REDIC1: variants seen among roughly 807,000 people sequenced by gnomAD.
REDIC1 encodes regulator of DNA class I crossover intermediates 1, also known as HEI10 Interacting Protein 1.
At chr12:39,665,333 G>C in the REDIC1 span, among the ~76,000 whole-genome samples, 100 of 152,102 alleles carry the variant, frequency 6.6e-4, 1 homozygote, top group African/African-American at 2.2e-3. Flanking sequence ...ATAGGGAATC[G>C]TTTCCCCATT....
At chr12:39,822,395 A>G in the REDIC1 span, among the ~76,000 whole-genome samples, 1 of 152,330 alleles carries the variant, frequency 6.6e-6, no homozygotes, top group African/African-American at 2.4e-5. Context: ...AAATGTATCT[A>G]TAAAAAACAA....
the REDIC1 span, among the ~76,000 whole-genome samples, chr12:39,702,071 G>A: frequency 1.3e-5 from 2 of 152,000 alleles, no homozygotes; most frequent in Non-Finnish European, 2.9e-5. Context: ...CTAGCGGAAG[G>A]CAAGAAATAA....
At chr12:39,815,824 C>T in the REDIC1 span, among the ~76,000 whole-genome samples, 1 of 152,076 alleles carries the variant, frequency 6.6e-6, no homozygotes, top group Non-Finnish European at 1.5e-5. Flanking sequence ...AGTTATAGCA[C>T]AGTACAACAT....
At chr12:39,752,609 T>C in the REDIC1 span, among the ~76,000 whole-genome samples, 1 of 152,114 alleles carries the variant, frequency 6.6e-6, no homozygotes, top group South Asian at 2.1e-4. Flanking sequence ...AAAGGCATGA[T>C]TGCATTACAC....
chr12:39,752,526 A>G, the REDIC1 span, among the ~76,000 whole-genome samples: 1 of 152,156 alleles, frequency 6.6e-6, no homozygotes, highest in South Asian at 2.1e-4. Context: ...GGCAAGGGAT[A>G]AGAAAAGTAA....
At chr12:39,860,450 T>C in the REDIC1 span, among the ~76,000 whole-genome samples, 3 of 152,208 alleles carry the variant, frequency 2.0e-5, no homozygotes, top group African/African-American at 4.8e-5. Context: ...CCCATGTCTA[T>C]GGACTTAATT....
At chr12:39,760,330 C>CTT in the REDIC1 span, 5 of 1,331,280 alleles carry the variant, frequency 3.8e-6, no homozygotes, top group South Asian at 2.8e-5. Context: ...TTGATTTTGA[C>CTT]TTTTTTTTTC....
At chr12:39,757,630 TAAC>T in the REDIC1 span, 1 of 151,914 alleles carries the variant, frequency 6.6e-6, no homozygotes, top group Non-Finnish European at 1.5e-5. Context: ...ACTATATAAA[TAAC>T]AAATAGTCCT....
chr12:39,689,330 A>G, the REDIC1 span, among the ~76,000 whole-genome samples: 7 of 152,188 alleles, frequency 4.6e-5, no homozygotes, highest in Non-Finnish European at 8.8e-5. Context: ...TGTGTTTGGC[A>G]TTATACATTT....
At chr12:39,646,450 T>C in the REDIC1 span, 12 of 1,557,530 alleles carry the variant, frequency 7.7e-6, 1 homozygote, top group South Asian at 1.4e-4. Flanking sequence ...GCCTTGATGA[T>C]ACAGAAACCA....
chr12:39,721,058 C>G, the REDIC1 span: 24 of 1,613,774 alleles, frequency 1.5e-5, no homozygotes, highest in Middle Eastern at 2.5e-3. Flanking sequence ...GTTCTGCAGG[C>G]TGCAAGGTGT....
the REDIC1 span, among the ~76,000 whole-genome samples, chr12:39,770,238 T>C: frequency 6.6e-6 from 1 of 152,122 alleles, no homozygotes; most frequent in Non-Finnish European, 1.5e-5. Context: ...TAGTTTATTC[T>C]GGCCTTGATC....
chr12:39,764,625 A>G, the REDIC1 span: 1 of 1,581,488 alleles, frequency 6.3e-7, no homozygotes, highest in Non-Finnish European at 8.6e-7. Context: ...GAGAAATAAA[A>G]CATTAAAAAC....
chr12:39,711,441 G>C, the REDIC1 span, among the ~76,000 whole-genome samples: 1 of 56,998 alleles, frequency 1.8e-5, no homozygotes, highest in Non-Finnish European at 4.8e-5. Context: ...ATGTATATGT[G>C]TGTACATATA....
chr12:39,702,497 C>T, the REDIC1 span, among the ~76,000 whole-genome samples: 1 of 152,042 alleles, frequency 6.6e-6, no homozygotes, highest in Admixed American at 6.5e-5. Context: ...CTGAATTCTA[C>T]CAGAGGTACA....
chr12:39,819,166 G>C, the REDIC1 span, among the ~76,000 whole-genome samples: 2 of 152,108 alleles, frequency 1.3e-5, no homozygotes, highest in Admixed American at 1.3e-4. Context: ...CACACTTGCA[G>C]TCTCATTTTT....
the REDIC1 span, among the ~76,000 whole-genome samples, chr12:39,842,458 G>A: frequency 6.6e-6 from 1 of 151,994 alleles, no homozygotes; most frequent in Admixed American, 6.6e-5. Context: ...AAACTGATCA[G>A]CATAGTGACT....
chr12:39,704,227 G>C, the REDIC1 span, among the ~76,000 whole-genome samples: 7 of 149,316 alleles, frequency 4.7e-5, no homozygotes, highest in East Asian at 2.0e-4. Flanking sequence ...AAATTTACAA[G>C]AAAAAAAAAC....
At chr12:39,810,853 A>G in the REDIC1 span, among the ~76,000 whole-genome samples, 1 of 152,120 alleles carries the variant, frequency 6.6e-6, no homozygotes, top group Non-Finnish European at 1.5e-5. Context: ...CTGTCTGTAT[A>G]CAAGGGAGAT....
Sources: allele counts gnomAD v4.1 joint callset (sites outside exome capture counted in the v4.1 genomes callset), GRCh38; gene constraint gnomAD v4.1.1; transcripts MANE v1.5; gene names NCBI Gene and HGNC (gene_info 2026-07-23, HGNC 2026-07-21).